COL4A4: variants seen among roughly 807,000 people sequenced by gnomAD.
COL4A4 encodes the protein collagen type IV alpha 4 chain, also known as collagen alpha-4(IV) chain.
A neutral mutation model predicts 192.9 loss-of-function variants in COL4A4; 105 were observed. The ratio of observed to expected loss-of-function variants is 0.54; its 90% CI spans 0.46 to 0.64. The LOEUF is 0.64. Among genes scored for constraint, COL4A4 ranks in the 30% least tolerant of loss-of-function variants. The pLI, the probability that COL4A4 is intolerant of heterozygous loss-of-function variation, is 0.00. For missense variants in COL4A4, 1,967 were observed against 2,169.3 expected (o/e 0.91, Z 1.85); for synonymous variants, 762 against 769.9 (o/e 0.99, Z 0.17).
chr2:227,136,155 G>A (rs2062800299), intron 4 of COL4A4, among the ~76,000 whole-genome samples: 1 of 152,190 alleles, frequency 6.6e-6, no homozygotes, highest in Admixed American at 6.5e-5. Flanking sequence ...GTGTATGCTT[G>A]CAATCTAATC....
At chr2:227,146,061 C>G (rs1269822940) in intron 2 of COL4A4, among the ~76,000 whole-genome samples, 1 of 152,186 alleles carries the variant, frequency 6.6e-6, no homozygotes, top group African/African-American at 2.4e-5. Flanking sequence ...TCGCTTTTCT[C>G]TATATAATCT....
chr2:226,977,758 T>C, the COL4A4 span, among the ~76,000 whole-genome samples: 2 of 152,228 alleles, frequency 1.3e-5, no homozygotes, highest in Non-Finnish European at 2.9e-5. Context: ...AAGAAATCTT[T>C]TGAGGTTTAG....
the COL4A4 span, among the ~76,000 whole-genome samples, chr2:226,982,029 A>T: frequency 2.0e-5 from 3 of 152,242 alleles, no homozygotes; most frequent in Non-Finnish European, 4.4e-5. Context: ...CATGGCTATC[A>T]TACTTTTGAT....
rs11898094 is a variant in COL4A4, at chr2:227,060,058, C to T, written c.2164+78G>A. The T allele has an allele frequency of 0.13, 110,613 of 882,794 alleles. 8,008 individuals are homozygous for T. Among genetic ancestry groups the T allele is most frequent in the African/African-American group, 0.29 (15,402 of 53,244 alleles). 54.7% of individuals were successfully genotyped at this position (882,794 alleles called of 1,614,324 possible). On this transcript the variant is annotated intron_variant, in intron 27 of 47. Coordinates refer to ENST00000396625, the MANE Select transcript of COL4A4 (RefSeq NM_000092.5). ...CCATTTCCTCAATGAAATTATCCAT[C>T]GGTAGAAATGTTAAAAAGTTCCTGA...
intron 15 of COL4A4, among the ~76,000 whole-genome samples, chr2:227,102,501 T>C (rs906907350): frequency 1.3e-5 from 2 of 152,232 alleles, no homozygotes; most frequent in Non-Finnish European, 2.9e-5. Flanking sequence ...TTAAATTAAC[T>C]ATTCCAAGCT....
At chr2:227,089,611 A>G (rs868441116) in intron 21 of COL4A4, among the ~76,000 whole-genome samples, 2 of 119,652 alleles carry the variant, frequency 1.7e-5, no homozygotes, top group African/African-American at 8.5e-5. Flanking sequence ...ATATATATAC[A>G]TACATATATA....
intron 37 of COL4A4, among the ~76,000 whole-genome samples, chr2:227,041,720 GAGGAAGGAAGGAAGGA>G (rs71036153): frequency 0.12 from 4,537 of 39,242 alleles, 420 homozygotes; most frequent in South Asian, 0.17. Context: ...AGGAAGGGAG[GAGGAAGGAAGGAAGGA>G]AGGAAGGAAG....
At chr2:227,033,237 T>A (rs1241662832) in intron 38 of COL4A4, among the ~76,000 whole-genome samples, 173 bp downstream of exon 38, 5 of 152,240 alleles carry the variant, frequency 3.3e-5, no homozygotes, top group Non-Finnish European at 5.9e-5. Context: ...GTCCTTTTCA[T>A]ATGTCATTTT....
upstream of COL4A4, chr2:227,164,344 T>C: frequency 8.9e-6 from 2 of 224,334 alleles, no homozygotes; most frequent in South Asian, 5.0e-5. This position sits in a 1 kb window ranked among gnomAD's most constrained non-coding sequence, Gnocchi z 4.8. Flanking sequence ...CGCACCCCAC[T>C]TCCCCGCCTG....
the COL4A4 span, among the ~76,000 whole-genome samples, chr2:226,994,874 T>C: frequency 2.0e-5 from 3 of 152,212 alleles, no homozygotes; most frequent in Non-Finnish European, 4.4e-5. Flanking sequence ...TGAAATATGA[T>C]GCCTACATCT....
chr2:226,972,303 C>T, the COL4A4 span, among the ~76,000 whole-genome samples: 1 of 152,068 alleles, frequency 6.6e-6, no homozygotes, highest in South Asian at 2.1e-4. Context: ...GTATATGTGC[C>T]ACATTTTCTT....
At chr2:226,969,888 C>G in the COL4A4 span, among the ~76,000 whole-genome samples, 2 of 152,048 alleles carry the variant, frequency 1.3e-5, no homozygotes, top group African/African-American at 2.4e-5. Context: ...CTTAACACAT[C>G]CTGTGGCGAG....
chr2:227,053,397 C>T (rs542619837), intron 31 of COL4A4, among the ~76,000 whole-genome samples: 2 of 152,184 alleles, frequency 1.3e-5, no homozygotes, highest in African/African-American at 4.8e-5. Context: ...TTTTTCTCAA[C>T]ACTGGAAAGG....
intron 38 of COL4A4, among the ~76,000 whole-genome samples, chr2:227,032,525 T>C (rs1968657427): frequency 6.6e-6 from 1 of 152,192 alleles, no homozygotes; most frequent in Non-Finnish European, 1.5e-5. Flanking sequence ...TTAGAGGCAA[T>C]ACCAACCTCC....
chr2:227,095,930 G>A lies in COL4A4; in HGVS notation c.1205-1641C>T, dbSNP rs567741287. On this transcript the variant is annotated intron_variant, in intron 19 of 47. Coordinates refer to ENST00000396625, the MANE Select transcript of COL4A4 (RefSeq NM_000092.5). ...AAAAGAAACAAAAAAAAAGATAGCC[G>A]GAAGCCTCTGTGAGAGTGACCACCT... Among the ~76,000 whole-genome samples the A allele has an allele frequency of 5.3e-5, 8 of 152,098 alleles. No individual in the cohort carries two copies. In the East Asian group the frequency reaches 9.7e-4, roughly 18 times the overall value.
intron 19 of COL4A4, among the ~76,000 whole-genome samples, chr2:227,097,379 A>G (rs2060258683): frequency 6.6e-6 from 1 of 152,238 alleles, no homozygotes; most frequent in Non-Finnish European, 1.5e-5. Context: ...ACCTGTACAT[A>G]TGGATACATA....
At chr2:227,082,658 T>G (rs2059385804) in intron 22 of COL4A4, among the ~76,000 whole-genome samples, 1 of 152,162 alleles carries the variant, frequency 6.6e-6, no homozygotes, top group African/African-American at 2.4e-5. Flanking sequence ...GTGGGATAAC[T>G]ACAAGAGCTG....
intron 46 of COL4A4, among the ~76,000 whole-genome samples, chr2:227,009,708 AAAGAGG>A (rs1270458848): frequency 2.8e-4 from 35 of 125,604 alleles, no homozygotes; most frequent in African/African-American, 1.2e-3. Flanking sequence ...AAAAAAAAAA[AAAGAGG>A]AAAAGAGAAG....
rs763515232 is a variant in COL4A4 at position 227,031,957 on chromosome 2, C to G, written c.3805G>C (p.Asp1269His). The G allele has an allele frequency of 3.7e-6, 6 of 1,611,736 alleles. No homozygotes were observed. The highest frequency in any genetic ancestry group is 1.7e-5 in the Admixed American group (1 of 59,976). The change falls in exon 40 of 48, where the codon GAT becomes CAT. Residue 1269 changes from aspartate (D) to histidine (H), a missense_variant. By Grantham distance (81) the Asp-to-His change is moderately conservative. Coordinates refer to ENST00000396625, the MANE Select transcript of COL4A4 (RefSeq NM_000092.5). ...PPGDQGPPGP[D>H]GPRGAPGPPG... ...GATTCTCTCATACCTCTTGGGCCAT[C>G]AGGACCAGGAGGTCCCTGATCTCCA...
Sources: allele counts gnomAD v4.1 joint callset (sites outside exome capture counted in the v4.1 genomes callset), GRCh38; gene constraint gnomAD v4.1.1; non-coding constraint Gnocchi (gnomAD v3.1); transcripts MANE v1.5; gene names NCBI Gene and HGNC (gene_info 2026-07-23, HGNC 2026-07-21).